RAVER2: variants seen among roughly 807,000 people sequenced by gnomAD.
The protein encoded by RAVER2 is ribonucleoprotein, PTB binding 2.
In RAVER2, 46 loss-of-function variants were observed where a neutral mutation model predicts 78.1. That is an observed-to-expected ratio of 0.59 (90% confidence interval 0.46 to 0.75). RAVER2 has a LOEUF of 0.75. Among genes scored for constraint, RAVER2 ranks in the 30% least tolerant of loss-of-function variants. RAVER2 has a pLI of 0.00. For synonymous variants in RAVER2, 311 were observed against 313.3 expected (o/e 0.99, Z 0.08); for missense variants, 793 against 837.5 (o/e 0.95, Z 0.66).
intron 4 of RAVER2, among the ~76,000 whole-genome samples, chr1:64,783,183 A>G (rs570754177): frequency 2.0e-5 from 3 of 152,338 alleles, no homozygotes; most frequent in Admixed American, 6.5e-5. Context: ...TAGTGCCGCA[A>G]TAAATATATG....
At chr1:64,763,637 C>T (rs1203878583) in intron 1 of RAVER2, among the ~76,000 whole-genome samples, 2 of 152,066 alleles carry the variant, frequency 1.3e-5, no homozygotes, top group South Asian at 2.1e-4. Context: ...CATGGTGGCT[C>T]ACGCCTGTAA....
intron 9 of RAVER2, among the ~76,000 whole-genome samples, chr1:64,811,398 A>G (rs955559804): frequency 6.6e-6 from 1 of 152,200 alleles, no homozygotes; most frequent in Non-Finnish European, 1.5e-5. Flanking sequence ...GTGCAATACC[A>G]TAAACCTTGA....
At chr1:64,823,024 A>G (rs1182566458) in intron 11 of RAVER2, among the ~76,000 whole-genome samples, 1 of 152,174 alleles carries the variant, frequency 6.6e-6, no homozygotes, top group Non-Finnish European at 1.5e-5. Context: ...TGGGGGCTGG[A>G]GGAAGGAGGA....
chr1:64,804,965 T>A (rs747377909), intron 7 of RAVER2, 26 bp from the exon 8 acceptor site: 9 of 1,605,188 alleles, frequency 5.6e-6, no homozygotes, highest in Non-Finnish European at 7.7e-6. Context: ...TGGCCATGGG[T>A]CTTACCTTTT....
intron 8 of RAVER2, among the ~76,000 whole-genome samples, chr1:64,806,001 G>A (rs1229869843): frequency 1.3e-5 from 2 of 152,150 alleles, no homozygotes; most frequent in African/African-American, 4.8e-5. Context: ...AAAAGTCAGT[G>A]TCCAAATAAC....
chr1:64,755,945 A>G (rs959610717), intron 1 of RAVER2, among the ~76,000 whole-genome samples: 1 of 151,980 alleles, frequency 6.6e-6, no homozygotes, highest in South Asian at 2.1e-4. Context: ...TGTATGTCCT[A>G]CAAACTAGGA....
intron 9 of RAVER2, among the ~76,000 whole-genome samples, chr1:64,808,913 A>T (rs1255218023): frequency 2.0e-5 from 3 of 152,180 alleles, no homozygotes; most frequent in Non-Finnish European, 4.4e-5. Flanking sequence ...TCTTTAGAAG[A>T]ACTGTGGATT....
intron 11 of RAVER2, chr1:64,815,491 G>C (rs1273166442): frequency 6.6e-6 from 1 of 152,120 alleles, no homozygotes; most frequent in East Asian, 1.9e-4. Flanking sequence ...CTTACTCTTA[G>C]TGGTGTAAGC....
At chr1:64,814,886 A>G (rs766990493) in intron 11 of RAVER2, 46 bp downstream of exon 11, 3 of 1,432,762 alleles carry the variant, frequency 2.1e-6, no homozygotes, top group Admixed American at 2.2e-5. Flanking sequence ...AATTGGTTCA[A>G]CTATATATTG....
intron 4 of RAVER2, among the ~76,000 whole-genome samples, chr1:64,785,462 C>T (rs1296173321): frequency 2.0e-5 from 3 of 151,564 alleles, no homozygotes; most frequent in South Asian, 2.1e-4. Context: ...CTCCGCCTGC[C>T]GGGTTCAAGC....
In RAVER2 at chr1:64,768,807, G is replaced by A; in HGVS notation, c.316+85G>A. 3 of 825,246 alleles carry A rather than the reference G, an allele frequency of 3.6e-6. No homozygotes were observed. In the South Asian group the frequency reaches 4.9e-5, roughly 13 times the overall value. The allele number at this position is 825,246 out of a possible 1,614,324, so 51.1% of individuals were successfully genotyped here. A position where few individuals can be genotyped will look rare whatever the true frequency, so the allele number is the denominator to read the frequency against. ...ACAAAAAAGCTCAGTGTCTTTTCATGCTTAAGCTAATCATGGAATTTTTAA... is the reference window on the plus strand; with the variant it reads ...ACAAAAAAGCTCAGTGTCTTTTCATACTTAAGCTAATCATGGAATTTTTAA... On this transcript the variant is annotated intron_variant, in intron 2 of 11. Transcript: ENST00000294428.
intron 2 of RAVER2, among the ~76,000 whole-genome samples, chr1:64,777,358 T>C (rs566965183): frequency 1.1e-4 from 16 of 152,268 alleles, no homozygotes; most frequent in African/African-American, 3.1e-4. Flanking sequence ...GATTTTACAG[T>C]GAAACTCCTA....
At chr1:64,812,680 T>C in intron 9 of RAVER2, 58 bp from the exon 10 acceptor site, 1 of 1,129,022 alleles carries the variant, frequency 8.9e-7, no homozygotes, top group South Asian at 1.4e-5. Flanking sequence ...CTCTATTCTT[T>C]ATTTTTATTT....
At position 64,802,958 on chromosome 1, in the gene RAVER2, A is replaced by T. The variant is rs1207059096; in HGVS notation, c.1106-18A>T. 1 of 1,557,942 alleles carries T rather than the reference A, an allele frequency of 6.4e-7. No individual in the cohort carries two copies. The highest frequency in any genetic ancestry group is 8.7e-7 in the Non-Finnish European group (1 of 1,143,552). ...ATTCCATATATAAATTAAAGTTTTTACTTTTATTTTCTCAAAGCCGTTCTT... is the reference window on the plus strand; with the variant it reads ...ATTCCATATATAAATTAAAGTTTTTTCTTTTATTTTCTCAAAGCCGTTCTT... On this transcript the variant is annotated intron_variant, in intron 5 of 11. Transcript: ENST00000294428.
chr1:64,790,095 C>CT (rs1416229112), intron 5 of RAVER2, among the ~76,000 whole-genome samples: 1 of 152,168 alleles, frequency 6.6e-6, no homozygotes, highest in Non-Finnish European at 1.5e-5. Context: ...AAATGTACAA[C>CT]TTTTTATGTA....
At chr1:64,816,088 A>G (rs1382550607) in intron 11 of RAVER2, 1 of 152,244 alleles carries the variant, frequency 6.6e-6, no homozygotes, top group African/African-American at 2.4e-5. Context: ...GAGAAGCACA[A>G]TAAATTTTTT....
intron 9 of RAVER2, among the ~76,000 whole-genome samples, chr1:64,810,664 C>T (rs1190901551): frequency 6.6e-6 from 1 of 152,102 alleles, no homozygotes; most frequent in Non-Finnish European, 1.5e-5. Context: ...ATTTGCATTT[C>T]CCTAATGATT....
At chr1:64,783,426 A>G (rs894177136) in intron 4 of RAVER2, among the ~76,000 whole-genome samples, 3 of 152,212 alleles carry the variant, frequency 2.0e-5, no homozygotes, top group East Asian at 1.9e-4. Flanking sequence ...TCGCCATTCT[A>G]ACTGGTGTGA....
At chr1:64,768,568 T>C (rs924199547) in intron 1 of RAVER2, 88 bp from the exon 2 acceptor site, 1 of 726,756 alleles carries the variant, frequency 1.4e-6, no homozygotes, top group South Asian at 1.6e-5. Flanking sequence ...GTGGTGGTAA[T>C]GGTGGTGGTG....
Sources: gnomAD v4.1 joint callset for allele counts (sites outside exome capture counted in the v4.1 genomes callset) on GRCh38, gnomAD v4.1.1 for gene constraint, MANE v1.5 for transcripts, NCBI Gene and HGNC (gene_info 2026-07-23, HGNC 2026-07-21) for gene names.